EPHA6: variants seen among roughly 807,000 people sequenced by gnomAD.
EPHA6 encodes EPH receptor A6.
In EPHA6, 50 loss-of-function variants were observed where a neutral mutation model predicts 112.0. The ratio of observed to expected loss-of-function variants is 0.45; its 90% CI spans 0.36 to 0.56. The LOEUF (loss-of-function observed/expected upper bound fraction) is 0.56, where lower values mean the gene tolerates loss of function less well. Ranked by LOEUF, EPHA6 falls within the 20% of genes least tolerant of loss-of-function variation. EPHA6 has a pLI of 0.00. For missense variants in EPHA6, 1,280 were observed against 1,417.4 expected (o/e 0.90, Z 1.56); for synonymous variants, 529 against 490.7 (o/e 1.08, Z -1.03).
At chr3:97,660,562 A>G (rs1443618889) in intron 14 of EPHA6, among the ~76,000 whole-genome samples, 1 of 152,076 alleles carries the variant, frequency 6.6e-6, no homozygotes, top group Non-Finnish European at 1.5e-5. Flanking sequence ...TGGAATACAA[A>G]TGTGGCACAT....
intron 2 of EPHA6, among the ~76,000 whole-genome samples, chr3:96,979,283 G>A (rs888330504): frequency 6.9e-6 from 1 of 144,910 alleles, no homozygotes; most frequent in Non-Finnish European, 1.5e-5. Context: ...TCCCACCTAT[G>A]AGTGAGAACA....
At chr3:96,925,913 T>G (rs1179304642) in intron 2 of EPHA6, among the ~76,000 whole-genome samples, 2 of 152,064 alleles carry the variant, frequency 1.3e-5, no homozygotes, top group African/African-American at 4.8e-5. Context: ...GCCAATTTCT[T>G]GATTATTTGG....
intron 1 of EPHA6, among the ~76,000 whole-genome samples, chr3:96,823,359 T>A (rs2033416146): frequency 6.6e-6 from 1 of 151,824 alleles, no homozygotes. Flanking sequence ...ATGGCAGTAT[T>A]GTTTAAATGA....
intron 5 of EPHA6, among the ~76,000 whole-genome samples, chr3:97,403,945 A>G (rs1416598971): frequency 6.6e-6 from 1 of 152,128 alleles, no homozygotes; most frequent in Non-Finnish European, 1.5e-5. Flanking sequence ...TCTTCACCTT[A>G]CTTTCTTCAG....
intron 3 of EPHA6, among the ~76,000 whole-genome samples, chr3:97,204,049 T>C (rs1057012582): frequency 2.0e-5 from 3 of 152,146 alleles, no homozygotes; most frequent in Non-Finnish European, 4.4e-5. Flanking sequence ...TGTATAATTA[T>C]GTGTTCTAAA....
intron 5 of EPHA6, among the ~76,000 whole-genome samples, chr3:97,341,037 C>A (rs1577030047): frequency 6.6e-6 from 1 of 152,264 alleles, no homozygotes; most frequent in South Asian, 2.1e-4. Context: ...TCCATTAAGT[C>A]ATTTACTGGC....
intron 10 of EPHA6, among the ~76,000 whole-genome samples, chr3:97,508,915 C>T (rs1045773529): frequency 6.8e-6 from 1 of 147,894 alleles, no homozygotes; most frequent in Non-Finnish European, 1.5e-5. Context: ...ATTTAATGCC[C>T]TGCTTTGTCT....
intron 5 of EPHA6, among the ~76,000 whole-genome samples, chr3:97,269,539 GAGTAGCAA>G (rs1255418283): frequency 6.6e-6 from 1 of 152,164 alleles, no homozygotes; most frequent in Non-Finnish European, 1.5e-5. Flanking sequence ...GCTACCCTTT[GAGTAGCAA>G]AGTTCTATTG....
chr3:96,874,584 G>T (rs544590627), intron 2 of EPHA6, among the ~76,000 whole-genome samples: 1 of 152,162 alleles, frequency 6.6e-6, no homozygotes, highest in South Asian at 2.1e-4. Context: ...GTCCAGGCAA[G>T]GGGCTTGCTA....
intron 14 of EPHA6, among the ~76,000 whole-genome samples, chr3:97,680,774 G>A (rs2031799836): frequency 6.6e-6 from 1 of 152,268 alleles, no homozygotes; most frequent in Non-Finnish European, 1.5e-5. Flanking sequence ...GTTGGGACTT[G>A]GAAATTCTCT....
chr3:97,448,895 A>G (rs1315492277), intron 7 of EPHA6, among the ~76,000 whole-genome samples, 165 bp downstream of exon 7: 2 of 152,158 alleles, frequency 1.3e-5, no homozygotes, highest in African/African-American at 4.8e-5. Context: ...TGTTGCTATC[A>G]TTAAATGCTT....
At chr3:97,700,332 T>A (rs897538054) in intron 14 of EPHA6, among the ~76,000 whole-genome samples, 3 of 152,194 alleles carry the variant, frequency 2.0e-5, no homozygotes, top group Admixed American at 2.0e-4. Context: ...CCAAGTTGAA[T>A]GAAGTGTCTC....
chr3:97,408,892 C>T (rs1247625470), intron 6 of EPHA6, among the ~76,000 whole-genome samples: 2 of 151,974 alleles, frequency 1.3e-5, no homozygotes, highest in Non-Finnish European at 2.9e-5. Context: ...AAAATTAGTC[C>T]TAATCAGAGT....
At chr3:97,135,740 TAA>T (rs58000616) in intron 3 of EPHA6, among the ~76,000 whole-genome samples, 34 of 119,582 alleles carry the variant, frequency 2.8e-4, no homozygotes, top group African/African-American at 2.8e-4. Flanking sequence ...ATGGCAAGAT[TAA>T]AAAAAAAAAA....
chr3:96,987,959 T>C lies in EPHA6; in HGVS notation c.1080T>C (p.Ser360=). ...WLVPLGRCIC[S]TGYEEIEGSC... The stretch of plus-strand genomic sequence containing the variant: ...TTCCTCTTGGAAGGTGCATCTGCAG[T>C]ACAGGATATGAAGAAATTGAGGGTT... Residue 360 remains serine (S), a synonymous_variant, in exon 3 of 18, where the codon AGT becomes AGC. Coordinates refer to ENST00000389672, the MANE Select transcript of EPHA6 (RefSeq NM_001080448.3). The C allele has an allele frequency of 6.2e-7, 1 of 1,604,092 alleles. No homozygotes were observed. The highest frequency in any genetic ancestry group is 8.5e-7 in the Non-Finnish European group (1 of 1,173,726).
intron 5 of EPHA6, among the ~76,000 whole-genome samples, chr3:97,359,512 T>C (rs2084258447): frequency 6.6e-6 from 1 of 152,018 alleles, no homozygotes. Context: ...TTAACAGTTT[T>C]TGTTTGTTTG....
At chr3:96,817,246 A>G (rs2032870522) in intron 1 of EPHA6, among the ~76,000 whole-genome samples, 1 of 151,962 alleles carries the variant, frequency 6.6e-6, no homozygotes. Flanking sequence ...TAGTGAGTAG[A>G]AATTTTTCCT....
intron 2 of EPHA6, among the ~76,000 whole-genome samples, chr3:96,957,083 G>A (rs1228466158): frequency 6.6e-6 from 1 of 151,620 alleles, no homozygotes; most frequent in Non-Finnish European, 1.5e-5. Context: ...ATTAAAATTG[G>A]ATGAGCTAAA....
chr3:96,931,669 A>G (rs993930516), intron 2 of EPHA6, among the ~76,000 whole-genome samples: 3 of 152,202 alleles, frequency 2.0e-5, no homozygotes, highest in East Asian at 1.9e-4. Flanking sequence ...AACTGCACAG[A>G]TAGTAGCTGC....
Sources: allele counts gnomAD v4.1 joint callset (sites outside exome capture counted in the v4.1 genomes callset), GRCh38; gene constraint gnomAD v4.1.1; transcripts MANE v1.5; gene names NCBI Gene and HGNC (gene_info 2026-07-23, HGNC 2026-07-21).